The following PTPA variants were observed in gnomAD, a reference collection of about 807,000 sequenced individuals.
PTPA encodes the protein serine/threonine-protein phosphatase 2A activator.
PTPA carries 13 observed loss-of-function variants against 43.6 expected under a neutral mutation model. The ratio of observed to expected loss-of-function variants is 0.30; its 90% CI spans 0.19 to 0.47. The LOEUF is 0.47. Among genes scored for constraint, PTPA ranks in the 20% least tolerant of loss-of-function variants. The pLI is 0.99. For synonymous variants in PTPA, 172 were observed against 158.2 expected, an observed-to-expected ratio of 1.09 and a Z score of -0.66; for missense variants, 329 against 411.9, an observed-to-expected ratio of 0.80 and a Z score of 1.74.
intron 4 of PTPA, among the ~76,000 whole-genome samples, chr9:129,129,670 C>T (rs1259700636): frequency 3.3e-5 from 5 of 152,006 alleles, no homozygotes; most frequent in Non-Finnish European, 2.9e-5. Flanking sequence ...GGGGTTTCAC[C>T]GTGTTAGCCA....
chr9:129,143,829 G>T (rs1851086487), intron 9 of PTPA, among the ~76,000 whole-genome samples: 1 of 151,946 alleles, frequency 6.6e-6, no homozygotes, highest in Non-Finnish European at 1.5e-5. Flanking sequence ...CTGGGTCACT[G>T]CCCTCTGGTG....
intron 5 of PTPA, among the ~76,000 whole-genome samples, chr9:129,133,517 C>G (rs1040128738): frequency 3.3e-5 from 5 of 152,210 alleles, no homozygotes; most frequent in African/African-American, 1.2e-4. Context: ...GAAGTATTCT[C>G]TGACACATTC....
At chr9:129,140,785 A>C (rs1850743476) in intron 8 of PTPA, among the ~76,000 whole-genome samples, 1 of 62,308 alleles carries the variant, frequency 1.6e-5, no homozygotes, top group Non-Finnish European at 3.1e-5. Flanking sequence ...CAGACTGGGG[A>C]AGGGGTGGGG....
At chr9:129,126,845 C>A (rs991593062) in intron 3 of PTPA, among the ~76,000 whole-genome samples, 5 of 152,134 alleles carry the variant, frequency 3.3e-5, no homozygotes, top group Non-Finnish European at 7.4e-5. Context: ...GAGCTGGGAG[C>A]CTTTGAATTA....
intron 9 of PTPA, chr9:129,143,497 C>G (rs1400017309): frequency 4.3e-6 from 3 of 699,038 alleles, no homozygotes; most frequent in Non-Finnish European, 7.8e-6. Context: ...CCAGAGCTTC[C>G]TGGATCCCAT....
chr9:129,147,515 C>T lies in PTPA; in HGVS notation c.*51C>T. The stretch of plus-strand genomic sequence containing the variant: ...AGGCCACAGTTCCTGTGCCTGCCTT[C>T]CCCACCCCAGCAGTGGCCCCTCCCC... On this transcript the variant is annotated 3_prime_UTR_variant, in exon 10 of 10. Transcript: ENST00000393370. 1 of 1,563,160 alleles carries T rather than the reference C, an allele frequency of 6.4e-7. No homozygotes were observed. The highest frequency in any genetic ancestry group is 1.1e-5 in the South Asian group (1 of 89,820).
intron 4 of PTPA, among the ~76,000 whole-genome samples, chr9:129,129,312 C>A (rs78217240): frequency 1.3e-5 from 2 of 152,146 alleles, no homozygotes; most frequent in South Asian, 2.1e-4. Context: ...TGTGCACATA[C>A]GGCCCTCTGC....
intron 1 of PTPA, among the ~76,000 whole-genome samples, chr9:129,116,373 A>C (rs988255789): frequency 7.8e-6 from 1 of 128,952 alleles, no homozygotes; most frequent in African/African-American, 3.1e-5. Context: ...TTTTTAGTAG[A>C]GACAGGGTTT....
chr9:129,124,619 G>T (rs1035217283), intron 3 of PTPA, among the ~76,000 whole-genome samples: 1 of 152,216 alleles, frequency 6.6e-6, no homozygotes, highest in Non-Finnish European at 1.5e-5. Context: ...TGATTGGCAG[G>T]TGTGGCCTTA....
Position 129,148,206 on chromosome 9 carries a change from T to G in PTPA, c.*742T>G, listed in dbSNP as rs1243036897. 1.3e-5 allele frequency: 2 copies of G among 152,354 alleles called. No homozygotes were observed. Among genetic ancestry groups the G allele is most frequent in the Non-Finnish European group, 2.9e-5 (2 of 68,156 alleles). The allele number at this position is 152,354 out of a possible 1,614,324, so 9.4% of individuals were successfully genotyped here. ...GTAACCTAGCCAATGGAAGCTGCCC[T>G]TTGGGTAGGTGCTGGGCTCCTGGGA... On this transcript the variant is annotated 3_prime_UTR_variant, in exon 10 of 10. Transcript: ENST00000393370.
intron 9 of PTPA, 124 bp downstream of exon 9, chr9:129,142,676 C>T: frequency 6.5e-7 from 1 of 1,549,008 alleles, no homozygotes; most frequent in Non-Finnish European, 8.7e-7. Flanking sequence ...TGCTCTGAAT[C>T]TTAGGCCAGC....
chr9:129,122,997 G>A (rs1313016707), intron 2 of PTPA, 55 bp from the exon 3 acceptor site: 17 of 1,387,350 alleles, frequency 1.2e-5, no homozygotes. Context: ...GGGCAGGTGG[G>A]GCGGGGGGGT....
At position 129,147,598 on chromosome 9, in the gene PTPA, G is replaced by A. The variant is rs1311112021; in HGVS notation, c.*134G>A. ...AGGCTGTTTACTGGGGTGGGGTGGC[G>A]AGATGGGCTTGAGGGGGCTCAGAGC... On this transcript the variant is annotated 3_prime_UTR_variant, in exon 10 of 10. Transcript: ENST00000393370. The A allele has an allele frequency of 4.8e-5, 47 of 986,068 alleles. No individual in the cohort carries two copies. Among genetic ancestry groups the A allele is most frequent in the Non-Finnish European group, 6.2e-5 (41 of 663,876 alleles). 61.1% of individuals were successfully genotyped at this position (986,068 alleles called of 1,614,324 possible).
chr9:129,121,780 C>G (rs969409854), intron 2 of PTPA, among the ~76,000 whole-genome samples: 1 of 152,212 alleles, frequency 6.6e-6, no homozygotes, highest in Non-Finnish European at 1.5e-5. Flanking sequence ...TGTCTGAATC[C>G]AAATGTGACA....
At chr9:129,145,730 G>C (rs79542983) in intron 9 of PTPA, among the ~76,000 whole-genome samples, 10 of 152,278 alleles carry the variant, frequency 6.6e-5, no homozygotes, top group Admixed American at 5.2e-4. Flanking sequence ...GGGGCGGCGG[G>C]GGGGAGGGTC....
At chr9:129,121,131 T>C (rs3118627) in intron 2 of PTPA, among the ~76,000 whole-genome samples, 151,833 of 152,368 alleles carry the variant, frequency 1, 75,655 homozygotes, top group Middle Eastern at 1. Flanking sequence ...CTTGTACCTC[T>C]CAGGCTTGTG....
chr9:129,121,392 T>C lies in PTPA; in HGVS notation c.129+782T>C, dbSNP rs139876157. 2.0e-5 allele frequency among the ~76,000 whole-genome samples: 3 copies of C among 152,322 alleles called. No individual in the cohort carries two copies. In the East Asian group the frequency reaches 5.8e-4, roughly 29 times the overall value. On this transcript the variant is annotated intron_variant, in intron 2 of 9. Coordinates refer to ENST00000393370, the MANE Select transcript of PTPA (RefSeq NM_178000.3). ...GGCCATCTAAACCTGTCTGATTCCT[T>C]TTTCACAAGCCTGCCCTCTCAGTAT...
intron 9 of PTPA, 113 bp from the exon 10 acceptor site, chr9:129,147,274 G>A (rs1477682960): frequency 1.5e-5 from 15 of 1,012,364 alleles, no homozygotes; most frequent in Non-Finnish European, 1.8e-5. Context: ...ATCCCCTGGC[G>A]GGGCTACTTC....
At chr9:129,120,742 CAG>C (rs1849201203) in intron 2 of PTPA, 132 bp downstream of exon 2, 4 of 718,460 alleles carry the variant, frequency 5.6e-6, no homozygotes, top group South Asian at 3.7e-5. Context: ...AGAAAGGTGA[CAG>C]GGGAGCTGGC....
Sources: allele counts gnomAD v4.1 joint callset (sites outside exome capture counted in the v4.1 genomes callset), GRCh38; gene constraint gnomAD v4.1.1; transcripts MANE v1.5; gene names NCBI Gene and HGNC (gene_info 2026-07-23, HGNC 2026-07-21).